HIVEP3: variants seen among roughly 807,000 people sequenced by gnomAD.
HIVEP3 encodes the protein HIVEP zinc finger 3, also known as transcription factor HIVEP3.
In HIVEP3, 49 loss-of-function variants were observed where a neutral mutation model predicts 152.8. That is an observed-to-expected ratio of 0.32 (90% CI 0.26 to 0.41). The LOEUF (loss-of-function observed/expected upper bound fraction) is 0.41, where lower values mean the gene tolerates loss of function less well. Ranked by LOEUF, HIVEP3 falls within the 10% of genes least tolerant of loss-of-function variation. The pLI is 1.00. For synonymous variants in HIVEP3, 1,269 were observed against 1,289.0 expected, an observed-to-expected ratio of 0.98 and a Z score of 0.33; for missense variants, 2,790 against 3,103.3, an observed-to-expected ratio of 0.90 and a Z score of 2.40.
chr1:41,681,011 C>A (rs1044106919), intron 2 of HIVEP3, among the ~76,000 whole-genome samples: 13 of 152,128 alleles, frequency 8.5e-5, no homozygotes, highest in Non-Finnish European at 1.0e-4. Flanking sequence ...ATACTATTCC[C>A]AATTTGCAGA....
chr1:41,528,834 A>T (rs1465617378), intron 5 of HIVEP3, among the ~76,000 whole-genome samples: 2 of 74,494 alleles, frequency 2.7e-5, no homozygotes, highest in Non-Finnish European at 5.2e-5. Context: ...TCACACTTTC[A>T]CACACCCCTG....
chr1:41,739,741 G>A (rs1369507878), intron 1 of HIVEP3, among the ~76,000 whole-genome samples: 1 of 152,176 alleles, frequency 6.6e-6, no homozygotes, highest in African/African-American at 2.4e-5. Context: ...GACAGGCAGG[G>A]TAATCATGCC....
Position 41,584,833 on chromosome 1 carries a change from A to T in HIVEP3, c.-36T>A, listed in dbSNP as rs760975393. 6.8e-7 allele frequency: 1 copy of T among 1,460,142 alleles called. No individual in the cohort carries two copies. The highest frequency in any genetic ancestry group is 9.1e-7 in the Non-Finnish European group (1 of 1,100,698). The allele number at this position is 1,460,142 out of a possible 1,614,324, so 90.4% of individuals were successfully genotyped here. ...AAGACTTCAGATGCTATTCAGGGAG[A>T]GTCAGGGCGGGCTGCATTTATGAAT... On this transcript the variant is annotated 5_prime_UTR_variant, in exon 4 of 9. Coordinates refer to ENST00000372583, the MANE Select transcript of HIVEP3 (RefSeq NM_024503.5). This position sits in a 1 kb window ranked among gnomAD's most constrained non-coding sequence, Gnocchi z 5.2.
intron 2 of HIVEP3, among the ~76,000 whole-genome samples, chr1:41,653,667 C>T (rs989466806): frequency 6.6e-6 from 1 of 152,174 alleles, no homozygotes; most frequent in Non-Finnish European, 1.5e-5. Context: ...GGTGCCTCTC[C>T]TAGATTTCAG....
chr1:41,989,028 A>G (rs1645340931), intron 1 of HIVEP3, among the ~76,000 whole-genome samples: 1 of 152,212 alleles, frequency 6.6e-6, no homozygotes. Context: ...AACTCATAGA[A>G]GCAGAGAATA....
intron 1 of HIVEP3, among the ~76,000 whole-genome samples, chr1:41,958,283 A>C (rs1169410585): frequency 6.6e-6 from 1 of 152,240 alleles, no homozygotes; most frequent in Non-Finnish European, 1.5e-5. Context: ...GGCATGCTCC[A>C]GTAGTGCAGA....
At chr1:41,712,195 A>G (rs937759883) in intron 1 of HIVEP3, among the ~76,000 whole-genome samples, 1 of 152,270 alleles carries the variant, frequency 6.6e-6, no homozygotes, top group African/African-American at 2.4e-5. Flanking sequence ...AAGCAGAGAC[A>G]GATTCGACAC....
chr1:41,696,369 AG>A (rs1646274843), intron 2 of HIVEP3, among the ~76,000 whole-genome samples: 1 of 152,376 alleles, frequency 6.6e-6, no homozygotes, highest in Admixed American at 6.5e-5. Flanking sequence ...TGGTGGGAGA[AG>A]GAACAGGGAG....
At chr1:41,574,836 G>T (rs933233335) in intron 5 of HIVEP3, among the ~76,000 whole-genome samples, 1 of 152,188 alleles carries the variant, frequency 6.6e-6, no homozygotes, top group East Asian at 1.9e-4. Context: ...CAAACATGTG[G>T]CCACACAAAA....
In HIVEP3 at chr1:41,582,067, C is replaced by A. The variant is rs1322008705; in HGVS notation, c.2731G>T (p.Ala911Ser). The A allele has an allele frequency of 6.2e-7, 1 of 1,614,162 alleles. No homozygotes were observed. The highest frequency in any genetic ancestry group is 1.7e-5 in the Admixed American group (1 of 60,024). Residue 911 changes from alanine to serine, a missense_variant, in exon 4 of 9, where the codon GCA becomes TCA. By Grantham distance (99) the Ala-to-Ser change is moderately conservative. This residue lies in a region of HIVEP3 where 1,078 missense variants were observed against 1,165.3 expected (regional missense o/e 0.93). Coordinates refer to ENST00000372583, the MANE Select transcript of HIVEP3 (RefSeq NM_024503.5). The surrounding 1 kb of genome is among the most constrained non-coding windows in gnomAD (Gnocchi z 4.7). ...TCCCCTGATGATTGGGCCATCTCTG[C>A]CAGGCGCAACCTCTTCTTTTTGGGT... ...LPPKKKRLRL[A>S]EMAQSSGESS...
chr1:41,775,578 C>T (rs1457825710), intron 1 of HIVEP3, among the ~76,000 whole-genome samples: 1 of 152,170 alleles, frequency 6.6e-6, no homozygotes, highest in Non-Finnish European at 1.5e-5. Flanking sequence ...GCAACCTCCA[C>T]CTCCTGGGTT....
intron 1 of HIVEP3, among the ~76,000 whole-genome samples, chr1:41,787,699 T>TAA (rs749103335): frequency 0.018 from 2,441 of 134,950 alleles, 32 homozygotes; most frequent in Non-Finnish European, 0.021. Flanking sequence ...TAAAAAAATT[T>TAA]TTTTTTTTTT....
At chr1:41,548,862 ATTATTTTATT>A (rs565553917) in intron 5 of HIVEP3, among the ~76,000 whole-genome samples, 177 of 152,050 alleles carry the variant, frequency 1.2e-3, no homozygotes, top group African/African-American at 3.4e-3. Flanking sequence ...TTTCCAACTC[ATTATTTTATT>A]TTATTTTATT....
chr1:41,746,223 A>G (rs1295007389), intron 1 of HIVEP3, among the ~76,000 whole-genome samples: 1 of 152,248 alleles, frequency 6.6e-6, no homozygotes, highest in African/African-American at 2.4e-5. Context: ...TGCCATAATA[A>G]TGGGTACCAA....
At chr1:41,800,168 A>G (rs1264744972) in intron 1 of HIVEP3, among the ~76,000 whole-genome samples, 1 of 152,202 alleles carries the variant, frequency 6.6e-6, no homozygotes, top group Non-Finnish European at 1.5e-5. Context: ...ATAGTAAACT[A>G]TTGCTAAACT....
At chr1:41,974,805 T>A (rs1248534941) in intron 1 of HIVEP3, among the ~76,000 whole-genome samples, 1 of 152,158 alleles carries the variant, frequency 6.6e-6, no homozygotes, top group African/African-American at 2.4e-5. Flanking sequence ...AGGCCGTACC[T>A]ATGGTAGTCA....
rs568470387 is a variant in HIVEP3 at position 41,695,083 on chromosome 1, C to T, written c.-721+5833G>A. On this transcript the variant is annotated intron_variant, in intron 2 of 8. Coordinates refer to ENST00000372583, the MANE Select transcript of HIVEP3 (RefSeq NM_024503.5). ...TGTTTCCCCCAAAGCTGTATGATGC[C>T]GCTTCTATAAATCATTCCTAAAGAG... is the stretch of plus-strand genomic sequence containing the variant. 2.0e-4 allele frequency among the ~76,000 whole-genome samples: 31 copies of T among 152,266 alleles called. No homozygotes were observed. The South Asian group carries it at 5.4e-3, about 26-fold the overall frequency.
chr1:41,756,897 TA>T (rs1647333911), intron 1 of HIVEP3, among the ~76,000 whole-genome samples: 1 of 152,060 alleles, frequency 6.6e-6, no homozygotes, highest in Non-Finnish European at 1.5e-5. Flanking sequence ...AATAAACAAA[TA>T]ATATACACAC....
intron 2 of HIVEP3, among the ~76,000 whole-genome samples, chr1:41,656,155 C>G (rs1325115098): frequency 6.6e-6 from 1 of 152,222 alleles, no homozygotes; most frequent in Non-Finnish European, 1.5e-5. Flanking sequence ...AGCCTGTCTG[C>G]TGGCCTCCTC....
Sources: gnomAD v4.1 joint callset for allele counts (sites outside exome capture counted in the v4.1 genomes callset) on GRCh38, gnomAD v4.1.1 for gene constraint, gnomAD v4.1.1 regional missense constraint, Gnocchi (gnomAD v3.1) non-coding constraint, MANE v1.5 for transcripts, NCBI Gene and HGNC (gene_info 2026-07-23, HGNC 2026-07-21) for gene names.